Variants in SETBP1 observed in about 807,000 individuals in gnomAD.
SETBP1 encodes SET binding protein 1.
Under a neutral mutation model 101.0 loss-of-function variants are expected in SETBP1, and 9 were observed. The ratio of observed to expected loss-of-function variants is 0.09; its 90% CI spans 0.05 to 0.16. The LOEUF is 0.16. Ranked by LOEUF, SETBP1 falls within the 10% of genes least tolerant of loss-of-function variation. SETBP1 has a pLI of 1.00. For synonymous variants in SETBP1, 818 were observed against 788.5 expected (o/e 1.04, Z -0.63); for missense variants, 1,858 against 2,033.8 (o/e 0.91, Z 1.66).
intron 3 of SETBP1, among the ~76,000 whole-genome samples, chr18:44,923,662 A>G (rs1427911380): frequency 6.6e-6 from 1 of 152,254 alleles, no homozygotes; most frequent in African/African-American, 2.4e-5. Flanking sequence ...TGAGCATGGA[A>G]GCTTCAGCAT....
At chr18:44,725,105 G>C (rs1041592832) in intron 2 of SETBP1, among the ~76,000 whole-genome samples, 4 of 152,110 alleles carry the variant, frequency 2.6e-5, no homozygotes, top group African/African-American at 9.7e-5. Context: ...TGCCCATAGA[G>C]TTACCATCAG....
At chr18:44,840,284 G>A (rs912861253) in intron 2 of SETBP1, among the ~76,000 whole-genome samples, 17 of 152,300 alleles carry the variant, frequency 1.1e-4, no homozygotes, top group East Asian at 5.8e-4. Flanking sequence ...CAGCCAATGA[G>A]CCAGCATGCC....
intron 2 of SETBP1, among the ~76,000 whole-genome samples, chr18:44,773,072 G>GGC: frequency 6.6e-6 from 1 of 152,116 alleles, no homozygotes; most frequent in Admixed American, 6.5e-5. Flanking sequence ...TCCTTGAATG[G>GGC]ATTGTTGCTG....
At chr18:44,797,970 G>C (rs950282559) in intron 2 of SETBP1, among the ~76,000 whole-genome samples, 9 of 152,224 alleles carry the variant, frequency 5.9e-5, no homozygotes, top group Non-Finnish European at 1.0e-4. Flanking sequence ...TGCTCTTGAT[G>C]CTGGTGTCTT....
chr18:44,993,421 A>G (rs924994013), intron 4 of SETBP1, among the ~76,000 whole-genome samples: 1 of 152,082 alleles, frequency 6.6e-6, no homozygotes, highest in Admixed American at 6.5e-5. Flanking sequence ...ATATATAAAC[A>G]AGTTATCAAA....
intron 4 of SETBP1, among the ~76,000 whole-genome samples, chr18:44,999,646 C>T (rs2072574633): frequency 6.6e-6 from 1 of 152,164 alleles, no homozygotes; most frequent in Admixed American, 6.5e-5. Context: ...CTTACTAATG[C>T]TCATAGCAAA....
intron 3 of SETBP1, among the ~76,000 whole-genome samples, chr18:44,906,570 C>G (rs16978225): frequency 0.053 from 8,140 of 152,216 alleles, 734 homozygotes; most frequent in African/African-American, 0.18. Context: ...TAGGAACTGT[C>G]CTAAATTGAG....
At chr18:44,874,182 AG>A (rs1205843011) in intron 3 of SETBP1, among the ~76,000 whole-genome samples, 1 of 152,238 alleles carries the variant, frequency 6.6e-6, no homozygotes, top group African/African-American at 2.4e-5. Flanking sequence ...CTAACAAATA[AG>A]GGCTTTTATA....
chr18:44,756,972 G>T (rs1434949454), intron 2 of SETBP1, among the ~76,000 whole-genome samples: 2 of 152,130 alleles, frequency 1.3e-5, no homozygotes, highest in Non-Finnish European at 2.9e-5. Flanking sequence ...GTGGCATTTT[G>T]GTGCCCTGCA....
At chr18:44,975,640 C>T (rs1178401915) in intron 4 of SETBP1, among the ~76,000 whole-genome samples, 1 of 152,070 alleles carries the variant, frequency 6.6e-6, no homozygotes, top group Non-Finnish European at 1.5e-5. Context: ...ATTAAATACT[C>T]GAATAAGCAA....
chr18:45,010,578 T>C (rs1177448283), intron 4 of SETBP1, among the ~76,000 whole-genome samples: 1 of 152,218 alleles, frequency 6.6e-6, no homozygotes. Flanking sequence ...TTCCAAAACA[T>C]AATGCTGAGG....
chr18:44,820,163 C>T (rs903348459), intron 2 of SETBP1, among the ~76,000 whole-genome samples: 1 of 152,194 alleles, frequency 6.6e-6, no homozygotes, highest in African/African-American at 2.4e-5. Flanking sequence ...TTGGAGCCAC[C>T]CAGCTGAGCG....
At chr18:44,916,945 A>T (rs911212897) in intron 3 of SETBP1, among the ~76,000 whole-genome samples, 2 of 152,250 alleles carry the variant, frequency 1.3e-5, no homozygotes, top group Non-Finnish European at 2.9e-5. Context: ...AGATTTTGCC[A>T]AATAAGCCGC....
At chr18:44,696,521 C>G (rs2069020346) in intron 1 of SETBP1, among the ~76,000 whole-genome samples, 1 of 152,194 alleles carries the variant, frequency 6.6e-6, no homozygotes, top group African/African-American at 2.4e-5. Context: ...GAAAAATATT[C>G]TATCTAGCAG....
In SETBP1 at chr18:44,876,630, G is replaced by A. The variant is rs1214736838; in HGVS notation, c.540+7347G>A. 8 of 1,551,418 alleles carry A rather than the reference G, an allele frequency of 5.2e-6. No homozygotes were observed. The South Asian group carries it at 9.5e-5, about 18-fold the overall frequency. On this transcript the variant is annotated intron_variant, in intron 3 of 5. Transcript: ENST00000649279. ...GAGGCCAAGGCATCCCATTCAAAAA[G>A]CAATTCCTGTCCCAGGAACGTGCCA... is the stretch of plus-strand genomic sequence containing the variant.
intron 2 of SETBP1, among the ~76,000 whole-genome samples, chr18:44,779,111 G>T (rs985342543): frequency 3.3e-5 from 5 of 152,208 alleles, no homozygotes; most frequent in Admixed American, 6.5e-5. Context: ...CTTAAGACAG[G>T]ACTGGACAAT....
intron 3 of SETBP1, among the ~76,000 whole-genome samples, chr18:44,874,040 A>T (rs1362087471): frequency 6.6e-6 from 1 of 152,132 alleles, no homozygotes; most frequent in Non-Finnish European, 1.5e-5. Context: ...AGCTTCCACA[A>T]TTGTTACCAT....
At chr18:44,722,029 T>C (rs2069609457) in intron 2 of SETBP1, among the ~76,000 whole-genome samples, 1 of 152,164 alleles carries the variant, frequency 6.6e-6, no homozygotes, top group African/African-American at 2.4e-5. Flanking sequence ...AGAGGGCATC[T>C]GCGTGGACAT....
intron 4 of SETBP1, among the ~76,000 whole-genome samples, chr18:45,032,219 C>T (rs1366643526): frequency 6.6e-6 from 1 of 152,108 alleles, no homozygotes; most frequent in Non-Finnish European, 1.5e-5. Flanking sequence ...AGGAGGTCAC[C>T]TCAGATCCCA....
Sources: gnomAD v4.1 joint callset for allele counts (sites outside exome capture counted in the v4.1 genomes callset) on GRCh38, gnomAD v4.1.1 for gene constraint, MANE v1.5 for transcripts, NCBI Gene and HGNC (gene_info 2026-07-23, HGNC 2026-07-21) for gene names.